ASPH: variants seen among roughly 807,000 people sequenced by gnomAD.
ASPH encodes the protein aspartate beta-hydroxylase.
In ASPH, 100 loss-of-function variants were observed where a neutral mutation model predicts 118.4. The observed-to-expected ratio is 0.84, with a 90% CI of 0.72 to 1.00. ASPH has a LOEUF of 1.00. ASPH is among the 50% of genes least tolerant of loss of function. The pLI is 0.00. For synonymous variants in ASPH, 315 were observed against 325.6 expected, an observed-to-expected ratio of 0.97 and a Z score of 0.35; for missense variants, 920 against 919.5, an observed-to-expected ratio of 1.00 and a Z score of -0.01.
chr8:61,671,461 T>A (rs1337690689), intron 3 of ASPH, among the ~76,000 whole-genome samples: 1 of 152,204 alleles, frequency 6.6e-6, no homozygotes, highest in African/African-American at 2.4e-5. Flanking sequence ...AATGGAAACA[T>A]CTTGGTATTT....
chr8:61,607,424 T>C (rs1224932528), intron 14 of ASPH: 8 of 595,810 alleles, frequency 1.3e-5, no homozygotes, highest in Non-Finnish European at 1.8e-5. Flanking sequence ...AAAATCAGTG[T>C]TCTCTTATTC....
At chr8:61,650,233 C>T (rs180919734) in intron 5 of ASPH, among the ~76,000 whole-genome samples, 12 of 152,222 alleles carry the variant, frequency 7.9e-5, no homozygotes, top group South Asian at 4.1e-4. Flanking sequence ...AGTGGCTTTC[C>T]GAGCTGCAAA....
At chr8:61,679,193 A>T (rs1309568195) in intron 3 of ASPH, among the ~76,000 whole-genome samples, 1 of 152,170 alleles carries the variant, frequency 6.6e-6, no homozygotes, top group African/African-American at 2.4e-5. Flanking sequence ...GTACAGGAAG[A>T]GTAAAAAAGT....
intron 18 of ASPH, among the ~76,000 whole-genome samples, chr8:61,557,744 G>T (rs145845416): frequency 6.6e-6 from 1 of 152,198 alleles, no homozygotes; most frequent in African/African-American, 2.4e-5. Context: ...GCTCAGATGA[G>T]TACATGCTGG....
At chr8:61,627,080 G>A (rs1043971229) in intron 13 of ASPH, among the ~76,000 whole-genome samples, 6 of 152,010 alleles carry the variant, frequency 3.9e-5, no homozygotes, top group Non-Finnish European at 7.4e-5. Flanking sequence ...GGAATTGTTT[G>A]GGAACAACTA....
At chr8:61,646,654 G>T in intron 6 of ASPH, 96 bp downstream of exon 6, 1 of 1,290,786 alleles carries the variant, frequency 7.7e-7, no homozygotes, top group Non-Finnish European at 1.0e-6. Flanking sequence ...CTAAGCAAAA[G>T]TTAAATATCA....
At chr8:61,645,747 T>G (rs1807603889) in intron 6 of ASPH, among the ~76,000 whole-genome samples, 1 of 152,250 alleles carries the variant, frequency 6.6e-6, no homozygotes, top group African/African-American at 2.4e-5. Flanking sequence ...GTGCATTTCC[T>G]GTTCTAAACA....
At chr8:61,665,553 T>C in intron 3 of ASPH, 1 of 1,590,378 alleles carries the variant, frequency 6.3e-7, no homozygotes, top group Non-Finnish European at 8.6e-7. Context: ...CTTTCCTTCC[T>C]TGACTCAGGT....
intron 3 of ASPH, chr8:61,657,624 A>C (rs1232949010): frequency 6.6e-6 from 1 of 152,196 alleles, no homozygotes; most frequent in Admixed American, 6.5e-5. Context: ...TGACTGTACG[A>C]AATTCCTCAA....
At chr8:61,643,533 G>T in intron 8 of ASPH, 100 bp from the exon 9 acceptor site, 1 of 1,184,702 alleles carries the variant, frequency 8.4e-7, no homozygotes, top group Non-Finnish European at 1.2e-6. Flanking sequence ...TCACAACTTT[G>T]CCAGATAGAT....
intron 1 of ASPH, among the ~76,000 whole-genome samples, chr8:61,710,967 A>C (rs1003909730): frequency 5.3e-5 from 8 of 152,212 alleles, no homozygotes; most frequent in African/African-American, 1.9e-4. Context: ...ATTCTAATTA[A>C]GCCTAAACAA....
chr8:61,657,141 G>C (rs1257355999), intron 3 of ASPH: 1 of 152,220 alleles, frequency 6.6e-6, no homozygotes, highest in Admixed American at 6.5e-5. Context: ...AGGGAAAAGT[G>C]GGGGTGGGGA....
chr8:61,689,903 C>A, intron 1 of ASPH: 1 of 1,253,922 alleles, frequency 8.0e-7, no homozygotes, highest in Non-Finnish European at 1.0e-6. Flanking sequence ...CTAAATGCTG[C>A]TAATCACCAC....
In ASPH at chr8:61,567,891, T is replaced by C. The variant is rs59283224; in HGVS notation, c.1150-573A>G. Among the ~76,000 whole-genome samples, 1,232 of 151,082 alleles carry C rather than the reference T, an allele frequency of 8.2e-3. 14 individuals are homozygous for C. The highest frequency in any genetic ancestry group is 0.029 in the African/African-American group (1,183 of 41,126). On this transcript the variant is annotated intron_variant, in intron 16 of 24. Coordinates refer to ENST00000379454, the MANE Select transcript of ASPH (RefSeq NM_004318.4). ...AGTGCTGGGTAGGAATGGTAAGGAG[T>C]TGCTAATTTAATCAGGATAATTGGG...
chr8:61,632,340 C>G (rs1418909447), intron 13 of ASPH, among the ~76,000 whole-genome samples: 1 of 152,012 alleles, frequency 6.6e-6, no homozygotes, highest in African/African-American at 2.4e-5. Context: ...TGAACTATAA[C>G]TAGAAATATA....
At position 61,681,063 on chromosome 8, in the gene ASPH, T is replaced by C. The variant is rs374413937; in HGVS notation, c.254-27A>G. ...TATAATAGGGCAGAAATGATGGATATGGGAATAAAAAAGAAAAGAAATTTA... is the reference window on the plus strand; with the variant it reads ...TATAATAGGGCAGAAATGATGGATACGGGAATAAAAAAGAAAAGAAATTTA... On this transcript the variant is annotated intron_variant, in intron 2 of 24. Coordinates refer to ENST00000379454, the MANE Select transcript of ASPH (RefSeq NM_004318.4). 5 of 1,537,782 alleles carry C rather than the reference T, an allele frequency of 3.3e-6. No homozygotes were observed. The East Asian group carries it at 6.9e-5, about 21-fold the overall frequency.
intron 21 of ASPH, among the ~76,000 whole-genome samples, chr8:61,529,258 A>T (rs1816659925): frequency 6.6e-6 from 1 of 152,194 alleles, no homozygotes; most frequent in Non-Finnish European, 1.5e-5. Context: ...CTCGAGCAAA[A>T]GAGCAATTGC....
At chr8:61,577,701 T>C (rs930595871) in intron 15 of ASPH, among the ~76,000 whole-genome samples, 20 of 151,802 alleles carry the variant, frequency 1.3e-4, no homozygotes, top group African/African-American at 4.8e-4. Context: ...GAGAGAAGAG[T>C]GAGGAGCGAA....
intron 1 of ASPH, among the ~76,000 whole-genome samples, chr8:61,698,480 T>C (rs1409896357): frequency 2.0e-5 from 3 of 152,384 alleles, no homozygotes; most frequent in Non-Finnish European, 2.9e-5. Context: ...GTCTCCTCTA[T>C]TAATCTTTGT....
Sources: gnomAD v4.1 joint callset for allele counts (sites outside exome capture counted in the v4.1 genomes callset) on GRCh38, gnomAD v4.1.1 for gene constraint, MANE v1.5 for transcripts, NCBI Gene and HGNC (gene_info 2026-07-23, HGNC 2026-07-21) for gene names.